ART1: variants seen among roughly 807,000 people sequenced by gnomAD.
The protein encoded by ART1 is ADP-ribosyltransferase 1.
ART1 carries 29 observed loss-of-function variants against 27.0 expected under a neutral mutation model. That is an observed-to-expected ratio of 1.08 (90% CI 0.80 to 1.47). ART1 has a LOEUF of 1.47. ART1 is among the 40% of genes most tolerant of loss of function. The probability of loss-of-function intolerance (pLI) is 0.00; values close to 1 mark genes in which losing one functional copy is unlikely to be tolerated. For synonymous variants in ART1, 201 were observed against 172.2 expected (o/e 1.17, Z -1.31); for missense variants, 480 against 423.0 (o/e 1.13, Z -1.18).
chr11:3,649,606 C>A (rs1341709020), intron 1 of ART1, among the ~76,000 whole-genome samples: 1 of 152,198 alleles, frequency 6.6e-6, no homozygotes, highest in Non-Finnish European at 1.5e-5. Flanking sequence ...TGAGCTAGGT[C>A]CCAATTCTTC....
chr11:3,664,057 CT>C lies in ART1; in HGVS notation c.887-34del, dbSNP rs758415710. 5 of 1,602,596 alleles carry C rather than the reference CT, an allele frequency of 3.1e-6. No homozygotes were observed. In the East Asian group the frequency reaches 1.1e-4, roughly 36 times the overall value. ...CCTAAATACCTCTTTTTTTCTCTCTCTCTCCCCCAACCTCTCTGCCTGTTTT... is the reference window on the plus strand; with the variant it reads ...CCTAAATACCTCTTTTTTTCTCTCTCCTCCCCCAACCTCTCTGCCTGTTTT... On this transcript the variant is annotated intron_variant, in intron 4 of 4. Coordinates refer to ENST00000250693, the MANE Select transcript of ART1 (RefSeq NM_004314.3).
Position 3,651,049 on chromosome 11 carries a change from A to T in ART1, c.-53+5870A>T, listed in dbSNP as rs184215023. 2.7e-3 allele frequency among the ~76,000 whole-genome samples: 416 copies of T among 152,258 alleles called. 2 individuals are homozygous for T. The highest frequency in any genetic ancestry group is 9.8e-3 in the African/African-American group (406 of 41,536). ...CCCCCATTTTATCCGTCCTAAAACCAGACAAGGCTTACAGGTTAGTTCAGA... is the reference window on the plus strand; with the variant it reads ...CCCCCATTTTATCCGTCCTAAAACCTGACAAGGCTTACAGGTTAGTTCAGA... On this transcript the variant is annotated intron_variant, in intron 1 of 4. Transcript: ENST00000250693.
At chr11:3,661,490 CTTTTTTTTTT>C (rs530856927) in intron 4 of ART1, 77 bp downstream of exon 4, 6 of 320,482 alleles carry the variant, frequency 1.9e-5, no homozygotes, top group African/African-American at 1.3e-4. Context: ...TCACCTCGAT[CTTTTTTTTTT>C]TTTTTTTTTT....
rs771377517 is a variant in ART1 at position 3,660,201 on chromosome 11, C to T, written c.682C>T (p.Pro228Ser). 1.9e-5 allele frequency: 31 copies of T among 1,613,936 alleles called. 1 individual carries two copies. In the South Asian group the frequency reaches 3.0e-4, roughly 15 times the overall value. The change falls in exon 3 of 5, where the codon CCT (proline) becomes TCT (serine). Residue 228 changes from proline to serine, a missense_variant. Pro to Ser is a moderately conservative substitution (Grantham distance 74, BLOSUM62 -1). Transcript: ENST00000250693. ...CGGCATCTGGACCTGCCTTGGGGCCCCTATCAAGGGCTACTCCTTCTTCCC... is the reference window on the plus strand; with the variant it reads ...CGGCATCTGGACCTGCCTTGGGGCCTCTATCAAGGGCTACTCCTTCTTCCC... ...FFGIWTCLGA[P>S]IKGYSFFPGE...
At position 3,664,199 on chromosome 11, in the gene ART1, C is replaced by A. The variant is rs1045684647; in HGVS notation, c.*10C>A. 7 of 1,612,630 alleles carry A rather than the reference C, an allele frequency of 4.3e-6. No homozygotes were observed. The highest frequency in any genetic ancestry group is 1.3e-5 in the African/African-American group (1 of 74,900). ...TCCAGGCCTCCTTTGATGCATGAGACACGGGACAGCCTCGCCTGCTGCCTC... is the reference window on the plus strand; with the variant it reads ...TCCAGGCCTCCTTTGATGCATGAGAAACGGGACAGCCTCGCCTGCTGCCTC... On this transcript the variant is annotated 3_prime_UTR_variant, in exon 5 of 5. Coordinates refer to ENST00000250693, the MANE Select transcript of ART1 (RefSeq NM_004314.3).
At chr11:3,653,631 G>C (rs534276597) in intron 1 of ART1, among the ~76,000 whole-genome samples, 9 of 152,096 alleles carry the variant, frequency 5.9e-5, no homozygotes, top group Non-Finnish European at 1.3e-4. Context: ...ACACGGACGC[G>C]CATGAAAAGA....
intron 3 of ART1, 79 bp downstream of exon 3, chr11:3,660,442 C>T (rs980714216): frequency 2.0e-6 from 3 of 1,466,902 alleles, no homozygotes; most frequent in Non-Finnish European, 2.7e-6. Flanking sequence ...CAAACCGAAG[C>T]CCCTATCTCC....
intron 1 of ART1, among the ~76,000 whole-genome samples, chr11:3,653,820 T>C (rs1565041540): frequency 1.4e-5 from 2 of 139,966 alleles, no homozygotes; most frequent in East Asian, 2.1e-4. Context: ...CATTCTCCCA[T>C]CAGACATCAA....
At chr11:3,654,997 G>C (rs537582107) in intron 1 of ART1, among the ~76,000 whole-genome samples, 1 of 152,236 alleles carries the variant, frequency 6.6e-6, no homozygotes, top group Non-Finnish European at 1.5e-5. Context: ...CTATTTTGCC[G>C]TGTGCCACAA....
rs1283626296 is a variant in ART1 at position 3,664,392 on chromosome 11, ACT to A, written c.*206_*207del. ...CCTTACCCAGGGCTGTAGGAGTGAG[ACT>A]CTGAATAAAGGGTTGGGCCGGCGGT... On this transcript the variant is annotated 3_prime_UTR_variant, in exon 5 of 5. Transcript: ENST00000250693. 6 of 554,352 alleles carry A rather than the reference ACT, an allele frequency of 1.1e-5. No homozygotes were observed. Among genetic ancestry groups the A allele is most frequent in the African/African-American group, 1.9e-5 (1 of 52,258 alleles). The allele number at this position is 554,352 out of a possible 1,614,324, so 34.3% of individuals were successfully genotyped here.
intron 1 of ART1, among the ~76,000 whole-genome samples, chr11:3,656,385 T>A (rs1188478219): frequency 8.5e-6 from 1 of 118,132 alleles, no homozygotes; most frequent in Non-Finnish European, 2.0e-5. Context: ...TTTATTTATT[T>A]ATTTTTTAAA....
chr11:3,660,163 A>G lies in ART1; in HGVS notation c.644A>G (p.Glu215Gly). 1 of 1,614,004 alleles carries G rather than the reference A, an allele frequency of 6.2e-7. No homozygotes were observed. The highest frequency in any genetic ancestry group is 1.3e-5 in the African/African-American group (1 of 75,036). ...LKHVAAQQFG[E>G]DTFFGIWTCL... Reference sequence around the variant, plus strand: ...CATGTTGCAGCCCAGCAGTTTGGTGAGGACACCTTCTTCGGCATCTGGACC... The same window carrying G: ...CATGTTGCAGCCCAGCAGTTTGGTGGGGACACCTTCTTCGGCATCTGGACC... Residue 215 changes from glutamate to glycine, a missense_variant, in exon 3 of 5, where the codon GAG (glutamate) becomes GGG (glycine). Glu to Gly is a moderately conservative substitution (Grantham distance 98). Transcript: ENST00000250693.
chr11:3,654,982 C>T lies in ART1; in HGVS notation c.-52-4180C>T, dbSNP rs533808592. Reference sequence around the variant, plus strand: ...CAGCTGGCCCAGTGGGCTTTTGCTGCATAACTATTTTGCCGTGTGCCACAA... The same window carrying T: ...CAGCTGGCCCAGTGGGCTTTTGCTGTATAACTATTTTGCCGTGTGCCACAA... On this transcript the variant is annotated intron_variant, in intron 1 of 4. Coordinates refer to ENST00000250693, the MANE Select transcript of ART1 (RefSeq NM_004314.3). 2.0e-5 allele frequency among the ~76,000 whole-genome samples: 3 copies of T among 152,376 alleles called. No homozygotes were observed. The South Asian group carries it at 6.2e-4, about 32-fold the overall frequency.
chr11:3,659,643 G>C lies in ART1; in HGVS notation c.124G>C (p.Ala42Pro). The C allele has an allele frequency of 6.2e-7, 1 of 1,613,460 alleles. No homozygotes were observed. The highest frequency in any genetic ancestry group is 8.5e-7 in the Non-Finnish European group (1 of 1,179,978). The change falls in exon 3 of 5, where the codon GCC becomes CCC. Residue 42 changes from alanine (A) to proline (P), a missense_variant. Coordinates refer to ENST00000250693, the MANE Select transcript of ART1 (RefSeq NM_004314.3). The stretch of plus-strand genomic sequence containing the variant: ...CTCTCAAGAGATTCAGCTGGACATG[G>C]CCCTGGCCTCCTTTGATGACCAGTA... ...LFSQEIQLDM[A>P]LASFDDQYAG...
intron 1 of ART1, among the ~76,000 whole-genome samples, chr11:3,654,789 C>G (rs866922668): frequency 4.6e-5 from 7 of 150,946 alleles, no homozygotes; most frequent in African/African-American, 1.7e-4. Context: ...TTGTAAATTC[C>G]ACCTCCTACC....
At chr11:3,650,387 C>T (rs1199276288) in intron 1 of ART1, among the ~76,000 whole-genome samples, 2 of 152,250 alleles carry the variant, frequency 1.3e-5, no homozygotes, top group Non-Finnish European at 2.9e-5. Context: ...CTTCCCAGAT[C>T]TTCTCGGCTT....
chr11:3,655,378 A>G (rs2133957277), intron 1 of ART1: 1 of 152,348 alleles, frequency 6.6e-6, no homozygotes, highest in South Asian at 2.1e-4. Context: ...ACTGTGATCA[A>G]CTAGTCCCAC....
chr11:3,661,793 C>T (rs2077623404), intron 4 of ART1, among the ~76,000 whole-genome samples: 3 of 151,898 alleles, frequency 2.0e-5, no homozygotes, highest in South Asian at 2.1e-4. Context: ...CCACCGTGCC[C>T]GGCCCACCTG....
intron 1 of ART1, among the ~76,000 whole-genome samples, chr11:3,657,139 T>C (rs1008082535): frequency 5.3e-5 from 8 of 152,136 alleles, no homozygotes; most frequent in African/African-American, 1.7e-4. Flanking sequence ...CTAAATGAGA[T>C]TGGGGGCAGA....
Sources: allele counts gnomAD v4.1 joint callset (sites outside exome capture counted in the v4.1 genomes callset), GRCh38; gene constraint gnomAD v4.1.1; transcripts MANE v1.5; gene names NCBI Gene and HGNC (gene_info 2026-07-23, HGNC 2026-07-21).